Variants in STK11 observed in about 807,000 individuals in gnomAD.
STK11 encodes serine/threonine kinase 11.
A neutral mutation model predicts 47.3 loss-of-function variants in STK11; 8 were observed. That is an observed-to-expected ratio of 0.17 (90% confidence interval 0.10 to 0.31). The LOEUF (loss-of-function observed/expected upper bound fraction) is 0.31, where lower values mean the gene tolerates loss of function less well. STK11 is among the 10% of genes least tolerant of loss of function. STK11 has a pLI of 1.00. For missense variants in STK11, 475 were observed against 605.0 expected (o/e 0.79, Z 2.25); for synonymous variants, 330 against 255.8 (o/e 1.29, Z -2.77).
At chr19:1,208,607 C>CTTTTTTTTT (rs71174355) in intron 1 of STK11, among the ~76,000 whole-genome samples, 1 of 37,780 alleles carries the variant, frequency 2.6e-5, no homozygotes, top group African/African-American at 1.2e-4. Context: ...CGCGTGCGGC[C>CTTTTTTTTT]TTTTTTTTTT....
At chr19:1,225,127 T>G (rs1327928497) in intron 8 of STK11, 1 of 985,398 alleles carries the variant, frequency 1.0e-6, no homozygotes, top group Non-Finnish European at 1.2e-6. Context: ...GACAGGAGTG[T>G]GGGGTGGGGC....
intron 2 of STK11, 47 bp downstream of exon 2, chr19:1,218,547 G>A (rs1290028676): frequency 1.3e-6 from 2 of 1,541,304 alleles, no homozygotes; most frequent in Non-Finnish European, 1.8e-6. Flanking sequence ...GGGAGGGGCT[G>A]GGGCCCTGGG....
At chr19:1,220,334 G>A (rs2080773466) in intron 3 of STK11, 39 bp from the exon 4 acceptor site, 1 of 1,580,670 alleles carries the variant, frequency 6.3e-7, no homozygotes, top group Non-Finnish European at 8.6e-7. Flanking sequence ...TGAGGGGCAG[G>A]GAGGCCTCGG....
In STK11 at chr19:1,227,980, C is replaced by G. The variant is rs1568720823; in HGVS notation, c.*404C>G. 9.4e-7 allele frequency: 1 copy of G among 1,069,048 alleles called. No individual in the cohort carries two copies. Among genetic ancestry groups the G allele is most frequent in the African/African-American group, 1.6e-5 (1 of 61,232 alleles). The allele number at this position is 1,069,048 out of a possible 1,614,324, so 66.2% of individuals were successfully genotyped here. A position where few individuals can be genotyped will look rare whatever the true frequency, so the allele number is the denominator to read the frequency against. On this transcript the variant is annotated 3_prime_UTR_variant, in exon 10 of 10. Transcript: ENST00000326873. Reference sequence around the variant, plus strand: ...CGGGTGTGGAGACCAGGCTCCTGACCCCGCCATGCATGCAGCGCCACCTGG... The same window carrying G: ...CGGGTGTGGAGACCAGGCTCCTGACGCCGCCATGCATGCAGCGCCACCTGG...
rs773514293 is a variant in STK11, at chr19:1,220,767, C to A, written c.734+50C>A. 5 of 1,556,884 alleles carry A rather than the reference C, an allele frequency of 3.2e-6. No individual in the cohort carries two copies. In the East Asian group the frequency reaches 9.1e-5, roughly 28 times the overall value. On this transcript the variant is annotated intron_variant, in intron 5 of 9. Coordinates refer to ENST00000326873, the MANE Select transcript of STK11 (RefSeq NM_000455.5). Reference sequence around the variant, plus strand: ...CTCACCACACGCACACTCCGAGGGGCCTCTGCGTCTTGGGCAGCTGCCGGC... The same window carrying A: ...CTCACCACACGCACACTCCGAGGGGACTCTGCGTCTTGGGCAGCTGCCGGC...
chr19:1,228,011 G>A lies in STK11; in HGVS notation c.*435G>A. ...ATGCATGCAGCGCCACCTGGAAGCC[G>A]CGCGGCCGCTTTGGTTTTTTGTTTG... is the stretch of plus-strand genomic sequence containing the variant. On this transcript the variant is annotated 3_prime_UTR_variant, in exon 10 of 10. Coordinates refer to ENST00000326873, the MANE Select transcript of STK11 (RefSeq NM_000455.5). The A allele has an allele frequency of 9.4e-7, 1 of 1,067,644 alleles. No individual in the cohort carries two copies. Among genetic ancestry groups the A allele is most frequent in the East Asian group, 4.9e-5 (1 of 20,362 alleles). 66.1% of individuals were successfully genotyped at this position (1,067,644 alleles called of 1,614,324 possible).
chr19:1,227,936 CCCG>C lies in STK11; in HGVS notation c.*365_*367del. On this transcript the variant is annotated 3_prime_UTR_variant, in exon 10 of 10. Coordinates refer to ENST00000326873, the MANE Select transcript of STK11 (RefSeq NM_000455.5). ...AGGGCGCCCAGCGCCGTCCGGCGGCCCCGCCGCAGACCAGCTGGCGGGTGTGGA... is the reference window on the plus strand; with the variant it reads ...AGGGCGCCCAGCGCCGTCCGGCGGCCCCGCAGACCAGCTGGCGGGTGTGGA... 9.3e-7 allele frequency: 1 copy of C among 1,070,400 alleles called. No homozygotes were observed. Among genetic ancestry groups the C allele is most frequent in the Non-Finnish European group, 1.1e-6 (1 of 882,352 alleles). The allele number at this position is 1,070,400 out of a possible 1,614,324, so 66.3% of individuals were successfully genotyped here.
chr19:1,227,808 C>A lies in STK11; in HGVS notation c.*232C>A, dbSNP rs2080837043. The A allele has an allele frequency of 4.7e-6, 5 of 1,072,676 alleles. No individual in the cohort carries two copies. The Admixed American group carries it at 2.7e-4, about 57-fold the overall frequency. 66.4% of individuals were successfully genotyped at this position (1,072,676 alleles called of 1,614,324 possible). ...CAGTGCACGCGGCTTGTTGACTTCGCAGCCCCGGGCGGAGCCTTCCCGGGC... is the reference window on the plus strand; with the variant it reads ...CAGTGCACGCGGCTTGTTGACTTCGAAGCCCCGGGCGGAGCCTTCCCGGGC... On this transcript the variant is annotated 3_prime_UTR_variant, in exon 10 of 10. Coordinates refer to ENST00000326873, the MANE Select transcript of STK11 (RefSeq NM_000455.5).
intron 8 of STK11, chr19:1,225,629 C>G (rs1295695824): frequency 3.0e-6 from 3 of 985,546 alleles, no homozygotes; most frequent in East Asian, 1.1e-4. Context: ...GTGGCAAGTT[C>G]TGGAAGCTGC....
chr19:1,218,393 A>G, intron 1 of STK11, 24 bp from the exon 2 acceptor site: 1 of 1,605,106 alleles, frequency 6.2e-7, no homozygotes, highest in Non-Finnish European at 8.5e-7. Context: ...GTCGGCTGAT[A>G]CACCCCTGTC....
rs1273032629 is a variant in STK11, at chr19:1,206,747, C to T, written c.-167C>T. 6 of 943,850 alleles carry T rather than the reference C, an allele frequency of 6.4e-6. No individual in the cohort carries two copies. The African/African-American group carries it at 8.3e-5, about 13-fold the overall frequency. 58.5% of individuals were successfully genotyped at this position (943,850 alleles called of 1,614,324 possible). A position where few individuals can be genotyped will look rare whatever the true frequency, so the allele number is the denominator to read the frequency against. ...AGCCGGGACTGACGTGTAGAACAAT[C>T]GTTTCTGTTGGAAGAAGGGTTTTTC... On this transcript the variant is annotated 5_prime_UTR_variant, in exon 1 of 10. Transcript: ENST00000326873.
At chr19:1,213,382 A>G (rs1248622224) in intron 1 of STK11, among the ~76,000 whole-genome samples, 1 of 152,132 alleles carries the variant, frequency 6.6e-6, no homozygotes, top group Non-Finnish European at 1.5e-5. Flanking sequence ...AGCTTCCAGA[A>G]CATTCTTGTT....
chr19:1,207,862 C>T (rs2080679081), intron 1 of STK11, among the ~76,000 whole-genome samples: 1 of 152,234 alleles, frequency 6.6e-6, no homozygotes. Context: ...ACTTTTCCAA[C>T]TGACTTCTTC....
chr19:1,210,424 G>C (rs931267396), intron 1 of STK11, among the ~76,000 whole-genome samples: 1 of 152,224 alleles, frequency 6.6e-6, no homozygotes, highest in African/African-American at 2.4e-5. Context: ...CGATCACCAA[G>C]GGGGGTGGGT....
At chr19:1,209,636 A>C (rs2080695807) in intron 1 of STK11, among the ~76,000 whole-genome samples, 1 of 151,876 alleles carries the variant, frequency 6.6e-6, no homozygotes, top group African/African-American at 2.4e-5. Flanking sequence ...ATCTGGCTTG[A>C]GTTTTGACAA....
chr19:1,208,900 C>T (rs981811513), intron 1 of STK11, among the ~76,000 whole-genome samples: 2 of 151,668 alleles, frequency 1.3e-5, no homozygotes, highest in Admixed American at 6.6e-5. Context: ...GGATTAAAGG[C>T]GTGAGCCACC....
intron 2 of STK11, among the ~76,000 whole-genome samples, chr19:1,218,870 A>C (rs1464042799): frequency 6.6e-6 from 1 of 152,174 alleles, no homozygotes; most frequent in Non-Finnish European, 1.5e-5. Context: ...GGACACCCCC[A>C]TGGGTCTTAC....
chr19:1,218,287 TCA>T, intron 1 of STK11, 128 bp from the exon 2 acceptor site: 1 of 781,712 alleles, frequency 1.3e-6, no homozygotes. Context: ...CACTGTGAAC[TCA>T]CAGCTTCTCT....
At position 1,220,536 on chromosome 19, in the gene STK11, G is replaced by A. The variant is rs764179419; in HGVS notation, c.597+31G>A. The A allele has an allele frequency of 3.2e-6, 5 of 1,580,718 alleles. No homozygotes were observed. The highest frequency in any genetic ancestry group is 1.1e-5 in the South Asian group (1 of 87,702). Reference sequence around the variant, plus strand: ...CACGTGCTAGGGGGGGCCCTGGGGCGCCCCCTCCCGGGCACTCCCTGAGGG... The same window carrying A: ...CACGTGCTAGGGGGGGCCCTGGGGCACCCCCTCCCGGGCACTCCCTGAGGG... On this transcript the variant is annotated intron_variant, in intron 4 of 9. Coordinates refer to ENST00000326873, the MANE Select transcript of STK11 (RefSeq NM_000455.5).
Sources: allele counts gnomAD v4.1 joint callset (sites outside exome capture counted in the v4.1 genomes callset), GRCh38; gene constraint gnomAD v4.1.1; transcripts MANE v1.5; gene names NCBI Gene and HGNC (gene_info 2026-07-23, HGNC 2026-07-21).